Variants in NUBPL observed in about 807,000 individuals in gnomAD.
NUBPL encodes iron-sulfur cluster transfer protein NUBPL.
NUBPL carries 31 observed loss-of-function variants against 45.7 expected under a neutral mutation model. The observed-to-expected ratio is 0.68, with a 90% CI of 0.51 to 0.92. The LOEUF is 0.92. Ranked by LOEUF, NUBPL falls within the 40% of genes least tolerant of loss-of-function variation. The pLI, the probability that NUBPL is intolerant of heterozygous loss-of-function variation, is 0.00. For missense variants in NUBPL, 401 were observed against 398.7 expected (o/e 1.01, Z -0.05); for synonymous variants, 144 against 140.9 (o/e 1.02, Z -0.15).
Position 31,606,029 on chromosome 14 carries a change from TCTCCCTCCTC to T in NUBPL, c.382+6665_382+6674del, listed in dbSNP as rs577925638. On this transcript the variant is annotated intron_variant, in intron 4 of 10. Coordinates refer to ENST00000281081, the MANE Select transcript of NUBPL (RefSeq NM_025152.3). ...CTTCCTTTTCTCCTCCCTCACTCCT[TCTCCCTCCTC>T]CTCCCTCCTCCTCCATTCTTCTTCT... 2.9e-4 allele frequency among the ~76,000 whole-genome samples: 43 copies of T among 148,144 alleles called. No homozygotes were observed. In the South Asian group the frequency reaches 8.1e-3, roughly 28 times the overall value.
rs34847511 is a variant in NUBPL at position 31,860,302 on chromosome 14, C to CAAAAAAAAAAA, written c.*1137_*1147dup. 2 of 75,498 alleles carry CAAAAAAAAAAA rather than the reference C, an allele frequency of 2.6e-5. 1 individual carries two copies. The allele number at this position is 75,498 out of a possible 1,614,324, so 4.7% of individuals were successfully genotyped here. On this transcript the variant is annotated 3_prime_UTR_variant, in exon 11 of 11. Coordinates refer to ENST00000281081, the MANE Select transcript of NUBPL (RefSeq NM_025152.3). ...TGGTCAATGGAGTGCGACTCCATCTCAAAAAAAAAAAAAAAAAAAAAAAAA... is the reference window on the plus strand; with the variant it reads ...TGGTCAATGGAGTGCGACTCCATCTCAAAAAAAAAAAAAAAAAAAAAAAAAAAAAAAAAAAA...
chr14:31,735,307 C>T (rs986742367), intron 6 of NUBPL, among the ~76,000 whole-genome samples: 2 of 152,126 alleles, frequency 1.3e-5, no homozygotes, highest in African/African-American at 2.4e-5. Context: ...ATGGCAAAGT[C>T]AACTGTTAGC....
intron 6 of NUBPL, among the ~76,000 whole-genome samples, chr14:31,751,079 G>T (rs4981904): frequency 0.46 from 69,445 of 152,000 alleles, 17,030 homozygotes; most frequent in African/African-American, 0.65. Flanking sequence ...AAAACCACCT[G>T]CATGATTTGA....
chr14:31,666,263 A>ATATATATATATATATTTATTATTT lies in NUBPL; in HGVS notation c.383-7092_383-7091insTATATATATATATATTTATTATTT. 3.3e-4 allele frequency among the ~76,000 whole-genome samples: 37 copies of ATATATATATATATATTTATTATTT among 111,844 alleles called. 2 individuals are homozygous for ATATATATATATATATTTATTATTT. The highest frequency in any genetic ancestry group is 9.8e-4 in the African/African-American group (32 of 32,584). The allele number at this position is 111,844 out of a possible 152,430, so 73.4% of individuals were successfully genotyped here. A position where few individuals can be genotyped will look rare whatever the true frequency, so the allele number is the denominator to read the frequency against. ...TATATATATATATATATATATATATAATTTTATTTTATTTTTTTTGAGACG... is the reference window on the plus strand; with the variant it reads ...TATATATATATATATATATATATATATATATATATATATATTTATTATTTATTTTATTTTATTTTTTTTGAGACG... On this transcript the variant is annotated intron_variant, in intron 4 of 10. Coordinates refer to ENST00000281081, the MANE Select transcript of NUBPL (RefSeq NM_025152.3).
chr14:31,808,781 G>T (rs569977863), intron 7 of NUBPL, among the ~76,000 whole-genome samples: 1 of 152,270 alleles, frequency 6.6e-6, no homozygotes, highest in South Asian at 2.1e-4. Flanking sequence ...ATTATTTTGA[G>T]ATATTTTCCA....
chr14:31,813,939 G>A (rs1329104973), intron 7 of NUBPL, among the ~76,000 whole-genome samples: 2 of 152,148 alleles, frequency 1.3e-5, no homozygotes, highest in South Asian at 4.1e-4. Flanking sequence ...CATCATTGAT[G>A]GGCATTTCGG....
At chr14:31,686,590 T>C (rs2036957334) in intron 6 of NUBPL, 1 of 152,210 alleles carries the variant, frequency 6.6e-6, no homozygotes, top group Admixed American at 6.5e-5. Context: ...TGCCAGGTAA[T>C]ATGTTGGATG....
chr14:31,698,399 GC>G (rs1223942275), intron 6 of NUBPL, among the ~76,000 whole-genome samples: 1 of 151,314 alleles, frequency 6.6e-6, no homozygotes, highest in Non-Finnish European at 1.5e-5. Context: ...TAAACTGATG[GC>G]GGCAGTTTTG....
chr14:31,798,303 GT>G (rs71115031), intron 7 of NUBPL, among the ~76,000 whole-genome samples: 5,751 of 107,118 alleles, frequency 0.054, 280 homozygotes, highest in African/African-American at 0.23. Context: ...TTTATTTATG[GT>G]TTTTTTTTTT....
intron 6 of NUBPL, among the ~76,000 whole-genome samples, chr14:31,696,476 C>T (rs1333489775): frequency 6.6e-6 from 1 of 152,128 alleles, no homozygotes; most frequent in African/African-American, 2.4e-5. Flanking sequence ...ACATGGCCTT[C>T]TTCCTTAGAA....
intron 6 of NUBPL, among the ~76,000 whole-genome samples, chr14:31,682,209 C>G (rs181228444): frequency 3.9e-5 from 6 of 152,164 alleles, no homozygotes; most frequent in Admixed American, 6.5e-5. Flanking sequence ...TTCTGTTATA[C>G]TCTCATATGT....
At chr14:31,653,906 G>A (rs960933818) in intron 4 of NUBPL, among the ~76,000 whole-genome samples, 8 of 152,116 alleles carry the variant, frequency 5.3e-5, no homozygotes, top group African/African-American at 1.7e-4. Flanking sequence ...CCTCTGCTGC[G>A]GCTCCAGCTG....
intron 8 of NUBPL, among the ~76,000 whole-genome samples, chr14:31,842,618 C>G (rs1336512973): frequency 6.6e-6 from 1 of 152,130 alleles, no homozygotes; most frequent in African/African-American, 2.4e-5. Context: ...GCTAGGACCA[C>G]AGGTGTGTGA....
intron 6 of NUBPL, among the ~76,000 whole-genome samples, chr14:31,688,652 G>GTTTTTTTTTTTTTTTTT (rs552419842): frequency 1.0e-5 from 1 of 99,158 alleles, no homozygotes; most frequent in African/African-American, 4.0e-5. Flanking sequence ...ACAGGTTTTT[G>GTTTTTTTTTTTTTTTTT]TTGTTGTTTT....
chr14:31,565,868 GA>G (rs1217965314), intron 3 of NUBPL, among the ~76,000 whole-genome samples: 1 of 150,514 alleles, frequency 6.6e-6, no homozygotes, highest in Non-Finnish European at 1.5e-5. Context: ...CTTGGGAGAA[GA>G]AAAAAAAATT....
chr14:31,602,060 TA>T (rs1189233221), intron 4 of NUBPL, among the ~76,000 whole-genome samples: 2 of 152,080 alleles, frequency 1.3e-5, no homozygotes, highest in Non-Finnish European at 1.5e-5. Flanking sequence ...TATGCAGCCA[TA>T]AAAAATGATG....
intron 3 of NUBPL, among the ~76,000 whole-genome samples, chr14:31,598,523 A>G (rs1363267764): frequency 1.3e-5 from 2 of 152,044 alleles, no homozygotes; most frequent in Non-Finnish European, 1.5e-5. Flanking sequence ...GGGGAAGAAG[A>G]AAAAAAAGAG....
chr14:31,564,974 G>A, intron 2 of NUBPL, 40 bp from the exon 3 acceptor site: 2 of 1,178,350 alleles, frequency 1.7e-6, no homozygotes, highest in Non-Finnish European at 2.5e-6. Context: ...TTAATAGAAG[G>A]AAAGTTACTA....
chr14:31,766,647 C>T (rs2038918204), intron 6 of NUBPL, among the ~76,000 whole-genome samples: 1 of 152,204 alleles, frequency 6.6e-6, no homozygotes, highest in African/African-American at 2.4e-5. Context: ...TATCAGCCAT[C>T]ACATACAACA....
Sources: allele counts gnomAD v4.1 joint callset (sites outside exome capture counted in the v4.1 genomes callset), GRCh38; gene constraint gnomAD v4.1.1; transcripts MANE v1.5; gene names NCBI Gene and HGNC (gene_info 2026-07-23, HGNC 2026-07-21).